The following SNTB1 variants were observed in gnomAD, a reference collection of about 807,000 sequenced individuals.
SNTB1 encodes syntrophin beta 1, also known as beta-1-syntrophin.
A neutral mutation model predicts 48.9 loss-of-function variants in SNTB1; 36 were observed. The observed-to-expected ratio is 0.74, with a 90% confidence interval of 0.56 to 0.97. The LOEUF (loss-of-function observed/expected upper bound fraction) is 0.97. Among genes scored for constraint, SNTB1 ranks in the 50% least tolerant of loss-of-function variants. The probability of loss-of-function intolerance (pLI) is 0.00; values close to 1 mark genes in which losing one functional copy is unlikely to be tolerated. For missense variants in SNTB1, 786 were observed against 703.4 expected (o/e 1.12, Z -1.33); for synonymous variants, 299 against 294.6 (o/e 1.01, Z -0.15).
At chr8:120,587,853 G>A (rs142500317) in intron 3 of SNTB1, among the ~76,000 whole-genome samples, 4 of 152,146 alleles carry the variant, frequency 2.6e-5, no homozygotes, top group African/African-American at 9.6e-5. Context: ...ATGTGGTGGG[G>A]GAAGCTATTT....
At chr8:120,561,451 T>C (rs569278972) in intron 4 of SNTB1, among the ~76,000 whole-genome samples, 2 of 152,250 alleles carry the variant, frequency 1.3e-5, no homozygotes, top group East Asian at 3.9e-4. Flanking sequence ...AAACAAGACT[T>C]ATAATCTGAT....
intron 3 of SNTB1, among the ~76,000 whole-genome samples, chr8:120,602,383 A>G (rs893170725): frequency 2.0e-5 from 3 of 152,210 alleles, no homozygotes; most frequent in African/African-American, 7.2e-5. Context: ...AGATGTGATT[A>G]ACACTTAATC....
intron 1 of SNTB1, among the ~76,000 whole-genome samples, chr8:120,701,650 CT>C (rs1818310966): frequency 6.6e-6 from 1 of 152,160 alleles, no homozygotes; most frequent in Middle Eastern, 3.2e-3. Context: ...TCTCAAGTTA[CT>C]TTTTCTTAGG....
chr8:120,805,470 T>C (rs1311335096), intron 1 of SNTB1, among the ~76,000 whole-genome samples: 1 of 152,084 alleles, frequency 6.6e-6, no homozygotes, highest in South Asian at 2.1e-4. Context: ...TAGACCGCCA[T>C]TGCAGGCTTT....
chr8:120,615,129 G>T (rs1051416292), intron 3 of SNTB1, among the ~76,000 whole-genome samples: 4 of 152,104 alleles, frequency 2.6e-5, no homozygotes, highest in African/African-American at 9.7e-5. Flanking sequence ...CCAGTGTGGT[G>T]ACAGAGCGAG....
At chr8:120,788,048 T>C (rs1344613288) in intron 1 of SNTB1, among the ~76,000 whole-genome samples, 1 of 152,142 alleles carries the variant, frequency 6.6e-6, no homozygotes, top group Non-Finnish European at 1.5e-5. Context: ...AAACCTGACA[T>C]CTAGAAGGGA....
At chr8:120,554,502 C>T (rs938453481) in intron 4 of SNTB1, among the ~76,000 whole-genome samples, 1 of 152,074 alleles carries the variant, frequency 6.6e-6, no homozygotes, top group Non-Finnish European at 1.5e-5. Context: ...GCGTGGTGGG[C>T]GGGGGGTGCT....
chr8:120,779,032 A>C (rs1819786166), intron 1 of SNTB1, among the ~76,000 whole-genome samples: 1 of 152,120 alleles, frequency 6.6e-6, no homozygotes, highest in Admixed American at 6.6e-5. Flanking sequence ...GTTAGGCTCC[A>C]CGTGGGGCCC....
chr8:120,591,377 AC>A (rs1347743093), intron 3 of SNTB1, among the ~76,000 whole-genome samples: 3 of 152,086 alleles, frequency 2.0e-5, no homozygotes, highest in East Asian at 3.9e-4. Context: ...CATTATAGTC[AC>A]CTTTTTCCTC....
chr8:120,771,656 T>G (rs1049471659), intron 1 of SNTB1, among the ~76,000 whole-genome samples: 8 of 151,508 alleles, frequency 5.3e-5, no homozygotes, highest in African/African-American at 1.9e-4. Context: ...TAGAAAAACA[T>G]GCTTAAAACA....
rs72680535 is a variant in SNTB1, at chr8:120,538,570, A to G, written c.*307T>C. Reference sequence around the variant, plus strand: ...GATTAAGATCTGCACATGCTGTTCTAATGGTCATGTCCTTGGTTGTCATTA... The same window carrying G: ...GATTAAGATCTGCACATGCTGTTCTGATGGTCATGTCCTTGGTTGTCATTA... On this transcript the variant is annotated 3_prime_UTR_variant, in exon 7 of 7. Transcript: ENST00000517992. 0.021 allele frequency: 9,807 copies of G among 468,358 alleles called. 170 individuals are homozygous for G. The highest frequency in any genetic ancestry group is 0.043 in the South Asian group (2,711 of 62,336). 29.0% of individuals were successfully genotyped at this position (468,358 alleles called of 1,614,324 possible). A position where few individuals can be genotyped will look rare whatever the true frequency, so the allele number is the denominator to read the frequency against.
intron 2 of SNTB1, among the ~76,000 whole-genome samples, chr8:120,687,616 T>C (rs1266667514): frequency 6.6e-6 from 1 of 152,234 alleles, no homozygotes; most frequent in African/African-American, 2.4e-5. Flanking sequence ...CAAATCACTT[T>C]CATGACAATT....
At chr8:120,643,769 G>T (rs569267014) in intron 2 of SNTB1, among the ~76,000 whole-genome samples, 322 of 152,200 alleles carry the variant, frequency 2.1e-3, no homozygotes, top group African/African-American at 7.3e-3. Context: ...CTTTTCCTCT[G>T]GGTAGAGACC....
At chr8:120,548,630 G>T in intron 5 of SNTB1, 132 bp downstream of exon 5, 1 of 745,698 alleles carries the variant, frequency 1.3e-6, no homozygotes, top group Non-Finnish European at 2.2e-6. Flanking sequence ...TAATTTAGAA[G>T]AATTTAAATT....
At chr8:120,650,547 C>A (rs1353995580) in intron 2 of SNTB1, among the ~76,000 whole-genome samples, 1 of 152,130 alleles carries the variant, frequency 6.6e-6, no homozygotes, top group Non-Finnish European at 1.5e-5. Flanking sequence ...ATGAGCTCTA[C>A]TAGCTAAGGC....
At chr8:120,640,151 G>A (rs1192783000) in intron 2 of SNTB1, among the ~76,000 whole-genome samples, 1 of 151,702 alleles carries the variant, frequency 6.6e-6, no homozygotes, top group Non-Finnish European at 1.5e-5. Context: ...TTGTGAATGG[G>A]AGTTCACTCA....
At chr8:120,555,200 A>G (rs6999061) in intron 4 of SNTB1, among the ~76,000 whole-genome samples, 71,423 of 152,032 alleles carry the variant, frequency 0.47, 19,040 homozygotes, top group Non-Finnish European at 0.62. Context: ...TAGAACACGG[A>G]CATACACTAG....
chr8:120,797,275 A>AAAATTTTAAAT (rs1311768872), intron 1 of SNTB1, among the ~76,000 whole-genome samples: 8 of 152,210 alleles, frequency 5.3e-5, no homozygotes, highest in Admixed American at 3.3e-4. Context: ...CTGTGACGTT[A>AAAATTTTAAAT]AAATTTTAAA....
chr8:120,551,085 G>A (rs1815471687), intron 4 of SNTB1, among the ~76,000 whole-genome samples: 1 of 151,904 alleles, frequency 6.6e-6, no homozygotes, highest in Non-Finnish European at 1.5e-5. Context: ...TGAAACCAAC[G>A]TCTGTACTAA....
Sources: allele counts gnomAD v4.1 joint callset (sites outside exome capture counted in the v4.1 genomes callset), GRCh38; gene constraint gnomAD v4.1.1; transcripts MANE v1.5; gene names NCBI Gene and HGNC (gene_info 2026-07-23, HGNC 2026-07-21).